Variants in LITAF observed in about 807,000 individuals in gnomAD.
The protein encoded by LITAF is lipopolysaccharide-induced tumor necrosis factor-alpha factor.
In LITAF, 9 loss-of-function variants were observed where a neutral mutation model predicts 14.5. The observed-to-expected ratio is 0.62, with a 90% CI of 0.37 to 1.08. The LOEUF (loss-of-function observed/expected upper bound fraction) is 1.08. LITAF is among the 50% of genes least tolerant of loss of function. The probability of loss-of-function intolerance (pLI) is 0.01; values close to 1 mark genes in which losing one functional copy is unlikely to be tolerated. For missense variants in LITAF, 206 were observed against 213.4 expected (o/e 0.97, Z 0.22); for synonymous variants, 98 against 88.2 (o/e 1.11, Z -0.62).
chr16:11,565,006 C>T (rs200994982), intron 1 of LITAF, among the ~76,000 whole-genome samples: 10 of 136,388 alleles, frequency 7.3e-5, no homozygotes, highest in South Asian at 4.6e-4. Flanking sequence ...ACTGAATTAT[C>T]TTTTTTTTTT....
At chr16:11,611,613 C>T (rs931576457) in intron 3 of LITAF, among the ~76,000 whole-genome samples, 1 of 152,040 alleles carries the variant, frequency 6.6e-6, no homozygotes, top group Admixed American at 6.6e-5. Context: ...GAGCAAATTT[C>T]CTCCAAGCAT....
chr16:11,609,380 T>A (rs1246580979), intron 3 of LITAF, among the ~76,000 whole-genome samples: 1 of 151,814 alleles, frequency 6.6e-6, no homozygotes, highest in East Asian at 1.9e-4. Context: ...CTCAGCTAAT[T>A]TTTTTGTATT....
At chr16:11,607,831 G>A (rs563212044) in intron 3 of LITAF, among the ~76,000 whole-genome samples, 22 of 152,206 alleles carry the variant, frequency 1.4e-4, no homozygotes, top group African/African-American at 5.3e-4. Context: ...GGAAGGTTTG[G>A]CAACATCCCT....
In LITAF at chr16:11,628,350, A is replaced by G. The variant is rs149461041; in HGVS notation, c.85+5183T>C. 3.1e-3 allele frequency among the ~76,000 whole-genome samples: 479 copies of G among 152,278 alleles called. 2 individuals are homozygous for G. The highest frequency in any genetic ancestry group is 5.3e-3 in the Non-Finnish European group (363 of 68,016). ...GCTAAGAGTCCTGGGAACTCTTTCTAGAGTTCCAAGTAAACGCTTTGCAGA... is the reference window on the plus strand; with the variant it reads ...GCTAAGAGTCCTGGGAACTCTTTCTGGAGTTCCAAGTAAACGCTTTGCAGA... On this transcript the variant is annotated intron_variant, in intron 3 of 3. Transcript: ENST00000574848.
At chr16:11,562,429 G>C (rs1463177022) in intron 1 of LITAF, among the ~76,000 whole-genome samples, 1 of 151,802 alleles carries the variant, frequency 6.6e-6, no homozygotes, top group African/African-American at 2.4e-5. Context: ...AGCCAAATGT[G>C]ACCGGTGGTG....
intron 3 of LITAF, among the ~76,000 whole-genome samples, chr16:11,552,165 G>A (rs1046526869): frequency 6.6e-6 from 1 of 152,196 alleles, no homozygotes; most frequent in African/African-American, 2.4e-5. Flanking sequence ...CGTGCCGGTT[G>A]CATGAGGCTC....
At chr16:11,637,083 G>T (rs1212140922), upstream of LITAF, among the ~76,000 whole-genome samples, 2 of 152,148 alleles carry the variant, frequency 1.3e-5, no homozygotes, top group Admixed American at 6.5e-5. Context: ...TAGAGATGGG[G>T]TTTCACCATG....
chr16:11,551,185 G>A (rs1048455557), intron 3 of LITAF, among the ~76,000 whole-genome samples: 6 of 152,204 alleles, frequency 3.9e-5, no homozygotes, highest in Non-Finnish European at 8.8e-5. Context: ...TTCTGATGAG[G>A]AAATTATCTC....
intron 3 of LITAF, among the ~76,000 whole-genome samples, chr16:11,621,313 C>G (rs1193619642): frequency 6.6e-6 from 1 of 152,174 alleles, no homozygotes; most frequent in Non-Finnish European, 1.5e-5. Flanking sequence ...ATCTGCCCAC[C>G]TCGGCCTCCC....
intron 1 of LITAF, among the ~76,000 whole-genome samples, chr16:11,577,144 G>A (rs772154457): frequency 1.3e-5 from 2 of 152,014 alleles, no homozygotes; most frequent in African/African-American, 4.8e-5. Context: ...ACCATATTAC[G>A]TTACTCTCTG....
intron 1 of LITAF, among the ~76,000 whole-genome samples, chr16:11,561,873 C>G (rs1408021751): frequency 6.8e-6 from 1 of 147,748 alleles, no homozygotes; most frequent in African/African-American, 2.5e-5. Context: ...TCACCCTAAA[C>G]TCACACACAC....
At chr16:11,570,655 C>A (rs2064527467) in intron 1 of LITAF, among the ~76,000 whole-genome samples, 1 of 152,118 alleles carries the variant, frequency 6.6e-6, no homozygotes, top group Non-Finnish European at 1.5e-5. Context: ...CTGGATTAAC[C>A]AGGTAGGCCC....
chr16:11,609,294 C>G (rs2064969987), intron 3 of LITAF, among the ~76,000 whole-genome samples: 1 of 151,824 alleles, frequency 6.6e-6, no homozygotes. Context: ...TCACTGCAAC[C>G]TCCACCTCCT....
chr16:11,621,717 C>A (rs2065052526), intron 3 of LITAF, among the ~76,000 whole-genome samples: 1 of 152,056 alleles, frequency 6.6e-6, no homozygotes, highest in Non-Finnish European at 1.5e-5. Flanking sequence ...ACAAGAGTGG[C>A]CGGCTCCCTG....
At chr16:11,587,137 C>G (rs940363984), upstream of LITAF, 1 of 310,476 alleles carries the variant, frequency 3.2e-6, no homozygotes, top group Non-Finnish European at 6.4e-6. Flanking sequence ...CACCCCAGAG[C>G]TTCCCAGGCT....
At chr16:11,612,963 C>A (rs185587244) in intron 3 of LITAF, among the ~76,000 whole-genome samples, 30 of 152,314 alleles carry the variant, frequency 2.0e-4, no homozygotes, top group African/African-American at 7.2e-4. Flanking sequence ...CAGCCGATGG[C>A]CTGGGTGCCT....
chr16:11,608,324 G>C (rs2064965016), intron 3 of LITAF, among the ~76,000 whole-genome samples: 1 of 152,202 alleles, frequency 6.6e-6, no homozygotes, highest in Admixed American at 6.5e-5. Flanking sequence ...GACGTAGCTG[G>C]ATCATGGGGA....
chr16:11,574,477 T>A (rs936191196), intron 1 of LITAF, among the ~76,000 whole-genome samples: 3 of 152,228 alleles, frequency 2.0e-5, no homozygotes, highest in African/African-American at 7.2e-5. Flanking sequence ...TTTTACACCC[T>A]TGCTGGTCTT....
chr16:11,601,954 G>A (rs1311294803), upstream of LITAF, among the ~76,000 whole-genome samples: 1 of 152,164 alleles, frequency 6.6e-6, no homozygotes, highest in Admixed American at 6.6e-5. Flanking sequence ...CCTGTGCCTG[G>A]ATGGGATGTC....
Sources: allele counts gnomAD v4.1 joint callset (sites outside exome capture counted in the v4.1 genomes callset), GRCh38; gene constraint gnomAD v4.1.1; transcripts MANE v1.5; gene names NCBI Gene and HGNC (gene_info 2026-07-23, HGNC 2026-07-21).